The following CSTPP1 variants were observed in gnomAD, a reference collection of about 807,000 sequenced individuals.
The protein encoded by CSTPP1 is UPF0705 protein C11orf49.
the CSTPP1 span, chr11:47,052,614 CCTCT>C: frequency 1.4e-6 from 2 of 1,462,700 alleles, no homozygotes; most frequent in Non-Finnish European, 1.8e-6. Context: ...TCTCTCTTTT[CCTCT>C]CTTTCTCTTT....
the CSTPP1 span, among the ~76,000 whole-genome samples, chr11:47,112,818 T>C: frequency 6.6e-6 from 1 of 152,184 alleles, no homozygotes; most frequent in Non-Finnish European, 1.5e-5. Flanking sequence ...CTGTAGGTTC[T>C]TCTGTTATCC....
the CSTPP1 span, among the ~76,000 whole-genome samples, chr11:47,149,994 T>A: frequency 5.9e-5 from 9 of 152,014 alleles, no homozygotes. Context: ...CCCCGTGGCA[T>A]CTCCCCAAGA....
At chr11:46,968,384 TTAATATATTTAAA>T in the CSTPP1 span, among the ~76,000 whole-genome samples, 2 of 146,658 alleles carry the variant, frequency 1.4e-5, no homozygotes, top group African/African-American at 5.0e-5. Context: ...TATATAATAT[TTAATATATTTAAA>T]TAATATATTT....
At chr11:47,007,282 C>T in the CSTPP1 span, among the ~76,000 whole-genome samples, 2 of 152,094 alleles carry the variant, frequency 1.3e-5, no homozygotes, top group East Asian at 1.9e-4. Flanking sequence ...CTGCCTGCCT[C>T]GGCCTCCCAA....
At chr11:46,979,167 T>G in the CSTPP1 span, among the ~76,000 whole-genome samples, 1 of 152,198 alleles carries the variant, frequency 6.6e-6, no homozygotes, top group Admixed American at 6.5e-5. Context: ...ATGTTGGTCT[T>G]GAACTCCTGG....
the CSTPP1 span, chr11:47,154,510 GT>G: frequency 1.3e-5 from 2 of 152,578 alleles, no homozygotes; most frequent in Admixed American, 1.3e-4. Context: ...CAGGAAAACC[GT>G]TGGGTGGGCA....
chr11:47,054,928 A>ATTTTT, the CSTPP1 span, among the ~76,000 whole-genome samples: 1 of 68,770 alleles, frequency 1.5e-5, no homozygotes, highest in East Asian at 3.4e-4. Flanking sequence ...ATAAATTTCA[A>ATTTTT]TTTTTTTTTT....
At chr11:47,144,378 C>CG in the CSTPP1 span, among the ~76,000 whole-genome samples, 1 of 151,782 alleles carries the variant, frequency 6.6e-6, no homozygotes, top group African/African-American at 2.4e-5. Flanking sequence ...GTAGTAGAGA[C>CG]GGGGTTTCAC....
chr11:47,034,504 CTT>C, the CSTPP1 span, among the ~76,000 whole-genome samples: 457 of 144,178 alleles, frequency 3.2e-3, no homozygotes, highest in Admixed American at 7.0e-3. Flanking sequence ...TTAAAAGCTT[CTT>C]TTTTTTTTTT....
chr11:47,137,764 C>A, the CSTPP1 span: 1 of 1,591,580 alleles, frequency 6.3e-7, no homozygotes, highest in Non-Finnish European at 8.6e-7. Flanking sequence ...CAACTCAGCT[C>A]TCTGTGGGCC....
the CSTPP1 span, among the ~76,000 whole-genome samples, chr11:47,021,761 A>G: frequency 6.6e-6 from 1 of 152,206 alleles, no homozygotes; most frequent in Non-Finnish European, 1.5e-5. Context: ...GGCTCTCAAG[A>G]AAGATAAAGT....
chr11:47,148,468 G>A, the CSTPP1 span, among the ~76,000 whole-genome samples: 2 of 152,130 alleles, frequency 1.3e-5, no homozygotes, highest in African/African-American at 4.8e-5. Flanking sequence ...ACTGACACTA[G>A]TCATGTGACC....
At chr11:47,066,093 GTTTTTT>G in the CSTPP1 span, among the ~76,000 whole-genome samples, 1 of 39,296 alleles carries the variant, frequency 2.5e-5, no homozygotes, top group Admixed American at 2.2e-4. Context: ...TGCCTTGTGG[GTTTTTT>G]TTTTTTTTTT....
chr11:47,092,830 C>A, the CSTPP1 span, among the ~76,000 whole-genome samples: 1 of 152,042 alleles, frequency 6.6e-6, no homozygotes, highest in South Asian at 2.1e-4. Context: ...TGGAACAGAC[C>A]CCTTACAATT....
the CSTPP1 span, among the ~76,000 whole-genome samples, chr11:46,994,048 G>A: frequency 2.0e-5 from 3 of 152,126 alleles, no homozygotes; most frequent in Non-Finnish European, 4.4e-5. Flanking sequence ...AATTGTGAAT[G>A]GGCGTTCACT....
the CSTPP1 span, chr11:47,137,798 G>C: frequency 1.3e-6 from 2 of 1,488,970 alleles, no homozygotes; most frequent in South Asian, 1.1e-5. Context: ...GAAACCTGGA[G>C]TGTATACAAA....
the CSTPP1 span, among the ~76,000 whole-genome samples, chr11:47,014,775 AGGAG>A: frequency 9.5e-5 from 13 of 136,570 alleles, no homozygotes; most frequent in Admixed American, 1.5e-4. Context: ...GAAGGAAGGA[AGGAG>A]GGAGGGAGGG....
the CSTPP1 span, among the ~76,000 whole-genome samples, chr11:47,112,654 G>A: frequency 1.3e-5 from 2 of 152,148 alleles, no homozygotes; most frequent in South Asian, 2.1e-4. Flanking sequence ...TTCATTATCT[G>A]TCTTCCCCAC....
At chr11:47,047,959 C>G in the CSTPP1 span, among the ~76,000 whole-genome samples, 1 of 152,174 alleles carries the variant, frequency 6.6e-6, no homozygotes, top group South Asian at 2.1e-4. Flanking sequence ...AATAAGATGC[C>G]ACTTCACATC....
Sources: gnomAD v4.1 joint callset for allele counts (sites outside exome capture counted in the v4.1 genomes callset) on GRCh38, gnomAD v4.1.1 for gene constraint, MANE v1.5 for transcripts, NCBI Gene and HGNC (gene_info 2026-07-23, HGNC 2026-07-21) for gene names.